CEP70: variants seen among roughly 807,000 people sequenced by gnomAD.
The protein encoded by CEP70 is centrosomal protein 70.
CEP70 carries 70 observed loss-of-function variants against 90.9 expected under a neutral mutation model. The observed-to-expected ratio is 0.77, with a 90% CI of 0.64 to 0.94. The LOEUF (loss-of-function observed/expected upper bound fraction) is 0.94. Ranked by LOEUF, CEP70 falls within the 40% of genes least tolerant of loss-of-function variation. CEP70 has a pLI of 0.00. For synonymous variants in CEP70, 220 were observed against 228.3 expected (o/e 0.96, Z 0.33); for missense variants, 648 against 669.0 (o/e 0.97, Z 0.35).
chr3:138,497,322 G>T (rs1179809646), intron 17 of CEP70: 21 of 1,237,968 alleles, frequency 1.7e-5, no homozygotes, highest in East Asian at 5.9e-5. Flanking sequence ...AAAGCAAAGA[G>T]CCATTCTTTA....
At chr3:138,502,548 AAAAGTCAGC>A (rs2034609525) in intron 13 of CEP70, among the ~76,000 whole-genome samples, 1 of 152,166 alleles carries the variant, frequency 6.6e-6, no homozygotes, top group African/African-American at 2.4e-5. Flanking sequence ...TGAAAAAAAA[AAAAGTCAGC>A]AAGTAACAGC....
At chr3:138,496,532 C>T in intron 17 of CEP70, 1 of 985,398 alleles carries the variant, frequency 1.0e-6, no homozygotes, top group Non-Finnish European at 1.2e-6. Flanking sequence ...AGAAACCTGC[C>T]TTACAAATGA....
At chr3:138,545,592 G>C (rs950576084) in intron 6 of CEP70, among the ~76,000 whole-genome samples, 1 of 152,140 alleles carries the variant, frequency 6.6e-6, no homozygotes, top group African/African-American at 2.4e-5. Flanking sequence ...CTGCCTGCAG[G>C]GTCAGGCAGA....
intron 2 of CEP70, among the ~76,000 whole-genome samples, chr3:138,584,001 G>GA (rs1359167198): frequency 6.6e-6 from 1 of 151,874 alleles, no homozygotes; most frequent in African/African-American, 2.4e-5. Context: ...TTGGTTTTTT[G>GA]AAAAGATGTA....
intron 6 of CEP70, among the ~76,000 whole-genome samples, chr3:138,560,828 T>A (rs1232541203): frequency 6.6e-6 from 1 of 151,998 alleles, no homozygotes; most frequent in Non-Finnish European, 1.5e-5. Context: ...AGATTCCTCC[T>A]CTCTGGGTAG....
chr3:138,515,581 T>G (rs932247794), intron 11 of CEP70, among the ~76,000 whole-genome samples: 3 of 151,206 alleles, frequency 2.0e-5, no homozygotes, highest in Non-Finnish European at 2.9e-5. Flanking sequence ...AAACTAAACA[T>G]GTGTGTGTTG....
intron 7 of CEP70, among the ~76,000 whole-genome samples, chr3:138,534,862 A>G (rs539148971): frequency 1.3e-5 from 2 of 151,986 alleles, no homozygotes; most frequent in East Asian, 3.9e-4. Flanking sequence ...TGACTCCTCC[A>G]CTCCTTTCAA....
chr3:138,556,777 G>C (rs879547341), intron 6 of CEP70, among the ~76,000 whole-genome samples: 12 of 152,024 alleles, frequency 7.9e-5, no homozygotes, highest in South Asian at 2.1e-4. Context: ...TACAAATAGG[G>C]TGTGGGTCAC....
intron 17 of CEP70, 66 bp from the exon 18 acceptor site, chr3:138,495,142 A>G (rs2033875735): frequency 2.1e-6 from 2 of 956,786 alleles, no homozygotes; most frequent in Non-Finnish European, 1.6e-6. Context: ...CACATGAAAC[A>G]AGAACCTATA....
At chr3:138,577,462 C>T (rs2041610283) in intron 2 of CEP70, among the ~76,000 whole-genome samples, 1 of 151,954 alleles carries the variant, frequency 6.6e-6, no homozygotes, top group South Asian at 2.1e-4. Context: ...GCCTGGCCAA[C>T]ATGGCAAAAC....
rs774201494 is a variant in CEP70, at chr3:138,529,289, T to C, written c.781-2A>G. On this transcript the variant is annotated splice_acceptor_variant, in intron 9 of 17. Coordinates refer to ENST00000264982, the MANE Select transcript of CEP70 (RefSeq NM_024491.4). LOFTEE classifies it high-confidence loss of function. The stretch of plus-strand genomic sequence containing the variant: ...TTCCTTGAGTTGATTCTGTAATGAC[T>C]GCAACACATTTCATAGAAAAATAAT... The C allele has an allele frequency of 2.5e-6, 4 of 1,589,920 alleles. No individual in the cohort carries two copies. The highest frequency in any genetic ancestry group is 3.4e-6 in the Non-Finnish European group (4 of 1,166,096).
At chr3:138,517,768 C>T (rs1225999144) in intron 11 of CEP70, among the ~76,000 whole-genome samples, 10 of 152,318 alleles carry the variant, frequency 6.6e-5, no homozygotes, top group East Asian at 3.9e-4. Flanking sequence ...ACGCAGAAGA[C>T]GGGTGATTTC....
chr3:138,537,101 A>G, intron 7 of CEP70, 77 bp downstream of exon 7: 1 of 1,068,070 alleles, frequency 9.4e-7, no homozygotes, highest in Non-Finnish European at 1.3e-6. Flanking sequence ...AACCACCCCC[A>G]AGATAATATC....
At chr3:138,535,421 T>A (rs1183322587) in intron 7 of CEP70, among the ~76,000 whole-genome samples, 1 of 152,190 alleles carries the variant, frequency 6.6e-6, no homozygotes, top group Non-Finnish European at 1.5e-5. Flanking sequence ...CTTTATATTT[T>A]ACTTACATGC....
At chr3:138,538,021 T>A (rs2038432075) in intron 6 of CEP70, among the ~76,000 whole-genome samples, 1 of 152,128 alleles carries the variant, frequency 6.6e-6, no homozygotes, top group African/African-American at 2.4e-5. Flanking sequence ...TCTCCCCTAA[T>A]CTGCAAGGAA....
chr3:138,497,212 G>C, intron 17 of CEP70: 1 of 1,216,450 alleles, frequency 8.2e-7, no homozygotes. Context: ...TGTTCAGTAG[G>C]CTATATATTC....
At chr3:138,537,531 A>G (rs1472197784) in intron 6 of CEP70, among the ~76,000 whole-genome samples, 184 bp from the exon 7 acceptor site, 1 of 152,206 alleles carries the variant, frequency 6.6e-6, no homozygotes, top group African/African-American at 2.4e-5. Context: ...TAAACCTGAA[A>G]AAATATAAGT....
At chr3:138,496,778 C>T (rs557766839) in intron 17 of CEP70, 1 of 985,258 alleles carries the variant, frequency 1.0e-6, no homozygotes, top group Non-Finnish European at 1.2e-6. Flanking sequence ...TCAACTTTGA[C>T]CAAATTACAG....
Position 138,500,850 on chromosome 3 carries a change from G to A in CEP70, c.1253C>T (p.Ala418Val), listed in dbSNP as rs771176879. 1 of 1,592,686 alleles carries A rather than the reference G, an allele frequency of 6.3e-7. No individual in the cohort carries two copies. The highest frequency in any genetic ancestry group is 1.1e-5 in the South Asian group (1 of 87,270). The change falls in exon 14 of 18, where the codon GCA becomes GTA. Residue 418 changes from alanine (A) to valine (V), a missense_variant. Transcript: ENST00000264982. ...CAAATTAAGCCAAGGTACCAGTTCTGCAGATAGTGTTTTCAAGGACTTATA... is the reference window on the plus strand; with the variant it reads ...CAAATTAAGCCAAGGTACCAGTTCTACAGATAGTGTTTTCAAGGACTTATA... ...DLYKSLKTLS[A>V]ELVPWLNLKK...
Sources: allele counts gnomAD v4.1 joint callset (sites outside exome capture counted in the v4.1 genomes callset), GRCh38; gene constraint gnomAD v4.1.1; transcripts MANE v1.5; gene names NCBI Gene and HGNC (gene_info 2026-07-23, HGNC 2026-07-21).